The following GPHN variants were observed in gnomAD, a reference collection of about 807,000 sequenced individuals.
The protein encoded by GPHN is gephyrin.
GPHN carries 17 observed loss-of-function variants against 95.5 expected under a neutral mutation model. The observed-to-expected ratio is 0.18, with a 90% CI of 0.12 to 0.27. The LOEUF (loss-of-function observed/expected upper bound fraction) is 0.27, where lower values mean the gene tolerates loss of function less well. Ranked by LOEUF, GPHN falls within the 10% of genes least tolerant of loss-of-function variation. The pLI is 1.00. For missense variants in GPHN, 660 were observed against 978.1 expected (o/e 0.67, Z 4.34); for synonymous variants, 320 against 322.5 (o/e 0.99, Z 0.08).
chr14:67,027,471 C>G (rs139116923), intron 10 of GPHN, among the ~76,000 whole-genome samples: 2,878 of 152,232 alleles, frequency 0.019, 40 homozygotes, highest in Non-Finnish European at 0.032. Context: ...GCTGGGACTA[C>G]AGGCTTGTGC....
intron 3 of GPHN, among the ~76,000 whole-genome samples, chr14:66,788,915 G>T (rs2153469896): frequency 6.6e-6 from 1 of 152,268 alleles, no homozygotes; most frequent in Non-Finnish European, 1.5e-5. Flanking sequence ...CTGACCTCAG[G>T]TGATCCACCC....
the GPHN span, chr14:67,569,821 T>C: frequency 1.3e-6 from 1 of 760,220 alleles, no homozygotes; most frequent in Non-Finnish European, 2.3e-6. Flanking sequence ...GTCACTGGCC[T>C]GCTCCTGGAG....
At chr14:67,087,206 A>G (rs1202280303) in intron 11 of GPHN, among the ~76,000 whole-genome samples, 3 of 152,190 alleles carry the variant, frequency 2.0e-5, no homozygotes, top group African/African-American at 4.8e-5. Context: ...CCCTTGTGCT[A>G]TCTCTGATAA....
chr14:67,072,748 A>G (rs2076357013), intron 11 of GPHN, among the ~76,000 whole-genome samples: 1 of 151,916 alleles, frequency 6.6e-6, no homozygotes, highest in African/African-American at 2.4e-5. Flanking sequence ...CAGTTTCTAT[A>G]AACTCCTCTT....
At chr14:66,778,950 G>A (rs752102792) in intron 3 of GPHN, among the ~76,000 whole-genome samples, 1 of 151,154 alleles carries the variant, frequency 6.6e-6, no homozygotes, top group Non-Finnish European at 1.5e-5. Context: ...CTTCAAGTTG[G>A]CCAGGCTGGT....
chr14:67,201,334 A>G, the GPHN span: 2 of 369,014 alleles, frequency 5.4e-6, no homozygotes, highest in Admixed American at 3.7e-5. Flanking sequence ...AATTTAAAAG[A>G]GAGCAATTAT....
intron 1 of GPHN, among the ~76,000 whole-genome samples, chr14:66,673,000 C>G (rs1285950793): frequency 2.0e-5 from 3 of 152,076 alleles, no homozygotes; most frequent in Non-Finnish European, 4.4e-5. Flanking sequence ...GTCTCCCACT[C>G]TTCTACCTTT....
At chr14:67,349,064 T>TCTTC in the GPHN span, 2 of 1,614,156 alleles carry the variant, frequency 1.2e-6, no homozygotes, top group African/African-American at 2.7e-5. Flanking sequence ...TTCGCTCGAA[T>TCTTC]CTTCACTTGC....
chr14:67,174,133 T>G (rs2082763719), intron 21 of GPHN, among the ~76,000 whole-genome samples: 1 of 152,246 alleles, frequency 6.6e-6, no homozygotes, highest in South Asian at 2.1e-4. Context: ...GCAGGTTTGT[T>G]ACATAGGTAT....
intron 2 of GPHN, among the ~76,000 whole-genome samples, chr14:66,738,084 G>C (rs1459222829): frequency 1.3e-5 from 2 of 152,150 alleles, no homozygotes; most frequent in Non-Finnish European, 2.9e-5. Context: ...AAATTTGCCT[G>C]AAAAATACAG....
chr14:66,623,186 A>T (rs1169451051), intron 1 of GPHN, among the ~76,000 whole-genome samples: 4 of 152,142 alleles, frequency 2.6e-5, no homozygotes, highest in Non-Finnish European at 5.9e-5. Flanking sequence ...CAAAGAGAGA[A>T]CTTGTGCAGG....
At chr14:67,514,828 G>A in the GPHN span, among the ~76,000 whole-genome samples, 6 of 152,208 alleles carry the variant, frequency 3.9e-5, no homozygotes, top group African/African-American at 9.6e-5. Context: ...ACGCCCCCCT[G>A]TGCGCCCATC....
intron 10 of GPHN, among the ~76,000 whole-genome samples, chr14:67,039,618 A>G (rs140106354): frequency 3.3e-5 from 5 of 152,238 alleles, no homozygotes; most frequent in African/African-American, 1.2e-4. Flanking sequence ...ATATAGTGAG[A>G]TCTCATCTCT....
intron 2 of GPHN, among the ~76,000 whole-genome samples, chr14:66,683,852 C>G (rs1009528070): frequency 1.3e-5 from 2 of 151,242 alleles, no homozygotes; most frequent in African/African-American, 4.9e-5. Context: ...TGGCGGGCAC[C>G]TGTAGTCCCA....
intron 8 of GPHN, among the ~76,000 whole-genome samples, chr14:66,956,594 G>A (rs2068522058): frequency 1.3e-5 from 2 of 151,740 alleles, no homozygotes; most frequent in African/African-American, 4.8e-5. Flanking sequence ...GTGTGAGATG[G>A]TATCTCATTG....
At chr14:67,534,842 C>T in the GPHN span, among the ~76,000 whole-genome samples, 9 of 151,518 alleles carry the variant, frequency 5.9e-5, no homozygotes, top group African/African-American at 2.2e-4. Flanking sequence ...CATCATTTAC[C>T]CCTAAATTCC....
At chr14:67,185,493 A>T (rs2083364189), downstream of GPHN, among the ~76,000 whole-genome samples, 1 of 152,244 alleles carries the variant, frequency 6.6e-6, no homozygotes, top group African/African-American at 2.4e-5. Flanking sequence ...TTGACAAATT[A>T]TATAAGAAGC....
At chr14:67,690,855 C>T in the GPHN span, 3 of 419,270 alleles carry the variant, frequency 7.2e-6, no homozygotes, top group South Asian at 9.8e-5. Flanking sequence ...TGATGCTGGC[C>T]ACAAGGATCA....
the GPHN span, chr14:67,585,513 T>C: frequency 1.0e-5 from 12 of 1,202,146 alleles, no homozygotes; most frequent in Admixed American, 1.7e-4. Context: ...AAAGTTATTA[T>C]AGTTCAAAAT....
Sources: allele counts gnomAD v4.1 joint callset (sites outside exome capture counted in the v4.1 genomes callset), GRCh38; gene constraint gnomAD v4.1.1; transcripts MANE v1.5; gene names NCBI Gene and HGNC (gene_info 2026-07-23, HGNC 2026-07-21).